AQP3: variants seen among roughly 807,000 people sequenced by gnomAD.
The protein encoded by AQP3 is aquaporin-3.
In AQP3, 15 loss-of-function variants were observed where a neutral mutation model predicts 30.3. The observed-to-expected ratio is 0.49, with a 90% CI of 0.33 to 0.76. The LOEUF is 0.76. Among genes scored for constraint, AQP3 ranks in the 30% least tolerant of loss-of-function variants. The pLI, the probability that AQP3 is intolerant of heterozygous loss-of-function variation, is 0.02. For missense variants in AQP3, 272 were observed against 384.8 expected, an observed-to-expected ratio of 0.71 and a Z score of 2.45; for synonymous variants, 153 against 163.2, an observed-to-expected ratio of 0.94 and a Z score of 0.47.
At position 33,443,271 on chromosome 9, in the gene AQP3, T is replaced by C. The variant is rs747226845; in HGVS notation, c.373+50A>G. On this transcript the variant is annotated intron_variant, in intron 3 of 5. Transcript: ENST00000297991. The surrounding 1 kb of genome is among the most constrained non-coding windows in gnomAD (Gnocchi z 5.0). ...CAAAAGGCCTGGTGCCAGCAGGTCC[T>C]GAACAGAGGGACGGGGGTAGTGGAG... 1.9e-6 allele frequency: 3 copies of C among 1,558,174 alleles called. No homozygotes were observed. The South Asian group carries it at 3.6e-5, about 18-fold the overall frequency.
chr9:33,444,747 C>T (rs1469591885), intron 1 of AQP3, among the ~76,000 whole-genome samples: 5 of 152,078 alleles, frequency 3.3e-5, no homozygotes, highest in Non-Finnish European at 7.4e-5. Flanking sequence ...CAGCCTTCAC[C>T]ATGTCCCCCT....
In AQP3 at chr9:33,443,214, C is replaced by T. The variant is rs540767514; in HGVS notation, c.373+107G>A. The T allele has an allele frequency of 1.3e-5, 19 of 1,474,486 alleles. No homozygotes were observed. The highest frequency in any genetic ancestry group is 1.7e-4 in the Middle Eastern group (1 of 5,832). The allele number at this position is 1,474,486 out of a possible 1,614,324, so 91.3% of individuals were successfully genotyped here. A position where few individuals can be genotyped will look rare whatever the true frequency, so the allele number is the denominator to read the frequency against. ...TGCGTGAATGAGTGAGTCATGAGCCCGGGGCCTGGGCAGGTCCTAGCCGTC... is the reference window on the plus strand; with the variant it reads ...TGCGTGAATGAGTGAGTCATGAGCCTGGGGCCTGGGCAGGTCCTAGCCGTC... On this transcript the variant is annotated intron_variant, in intron 3 of 5. Coordinates refer to ENST00000297991, the MANE Select transcript of AQP3 (RefSeq NM_004925.5). The surrounding 1 kb of genome is among the most constrained non-coding windows in gnomAD (Gnocchi z 5.0).
intron 1 of AQP3, among the ~76,000 whole-genome samples, chr9:33,446,036 G>C (rs951872716): frequency 6.6e-6 from 1 of 152,244 alleles, no homozygotes; most frequent in South Asian, 2.1e-4. Flanking sequence ...CTTTGTGAGA[G>C]AGTGAACTGA....
Position 33,443,280 on chromosome 9 carries a change from G to C in AQP3, c.373+41C>G, listed in dbSNP as rs1826867131. The stretch of plus-strand genomic sequence containing the variant: ...TGGTGCCAGCAGGTCCTGAACAGAG[G>C]GACGGGGGTAGTGGAGGAGGACAGG... On this transcript the variant is annotated intron_variant, in intron 3 of 5. Coordinates refer to ENST00000297991, the MANE Select transcript of AQP3 (RefSeq NM_004925.5). The surrounding 1 kb of genome is among the most constrained non-coding windows in gnomAD (Gnocchi z 5.0). 6 of 1,562,092 alleles carry C rather than the reference G, an allele frequency of 3.8e-6. No individual in the cohort carries two copies. Among genetic ancestry groups the C allele is most frequent in the Non-Finnish European group, 5.2e-6 (6 of 1,152,754 alleles).
At position 33,443,511 on chromosome 9, in the gene AQP3, G is replaced by C; in HGVS notation, c.236-53C>G. On this transcript the variant is annotated intron_variant, in intron 2 of 5. Transcript: ENST00000297991. This position sits in a 1 kb window ranked among gnomAD's most constrained non-coding sequence, Gnocchi z 5.0. ...AGCTGCAGCCTGCCACAGTCGGCAG[G>C]CTAGGGTCCCCTGAGAAGGGGTGCA... 1 of 1,592,246 alleles carries C rather than the reference G, an allele frequency of 6.3e-7. No homozygotes were observed. The highest frequency in any genetic ancestry group is 8.6e-7 in the Non-Finnish European group (1 of 1,169,368).
chr9:33,441,708 C>CG lies in AQP3; in HGVS notation c.*334_*335insC. 1 of 417,910 alleles carries CG rather than the reference C, an allele frequency of 2.4e-6. No individual in the cohort carries two copies. The highest frequency in any genetic ancestry group is 3.5e-5 in the East Asian group (1 of 28,852). 25.9% of individuals were successfully genotyped at this position (417,910 alleles called of 1,614,324 possible). On this transcript the variant is annotated 3_prime_UTR_variant, in exon 6 of 6. Transcript: ENST00000297991. Reference sequence around the variant, plus strand: ...CCTTGCCCTGAATATCTGGGAACCCCCCCCACACACACACACCCCTGCACA... The same window carrying CG: ...CCTTGCCCTGAATATCTGGGAACCCCGCCCCACACACACACACCCCTGCACA...
chr9:33,443,748 G>A lies in AQP3; in HGVS notation c.235+18C>T, dbSNP rs1171635005. The A allele has an allele frequency of 6.2e-7, 1 of 1,613,848 alleles. No homozygotes were observed. Among genetic ancestry groups the A allele is most frequent in the Admixed American group, 1.7e-5 (1 of 60,028 alleles). On this transcript the variant is annotated intron_variant, in intron 2 of 5. Transcript: ENST00000297991. The surrounding 1 kb of genome is among the most constrained non-coding windows in gnomAD (Gnocchi z 5.0). Reference sequence around the variant, plus strand: ...TGCTATTGAGGGCCAAGGGCTGGGGGCAGGGTTAAGGCCTTACCAGAGACC... The same window carrying A: ...TGCTATTGAGGGCCAAGGGCTGGGGACAGGGTTAAGGCCTTACCAGAGACC...
chr9:33,447,496 C>G lies in AQP3; in HGVS notation c.35G>C (p.Gly12Ala). 1 of 1,609,824 alleles carries G rather than the reference C, an allele frequency of 6.2e-7. No individual in the cohort carries two copies. The highest frequency in any genetic ancestry group is 8.5e-7 in the Non-Finnish European group (1 of 1,178,518). ...GRQKELVSRCGEMLHIRYRLL... is the reference protein window; with the variant it reads ...GRQKELVSRCAEMLHIRYRLL... ...CCGGTAGCGGATGTGGAGCATCTCC[C>G]CGCAGCGGGACACCAGCTCCTTCTG... Residue 12 changes from glycine to alanine, a missense_variant, in exon 1 of 6, where the codon GGG (glycine) becomes GCG (alanine). Physicochemically the swap from Gly to Ala is moderately conservative, Grantham distance 60. Transcript: ENST00000297991.
intron 1 of AQP3, among the ~76,000 whole-genome samples, chr9:33,445,780 C>G (rs1479664385): frequency 1.3e-5 from 2 of 152,188 alleles, no homozygotes; most frequent in Admixed American, 1.3e-4. Context: ...AAAGCCAACC[C>G]TGATTCTGCC....
chr9:33,443,466 G>A lies in AQP3; in HGVS notation c.236-8C>T. 2 of 1,611,424 alleles carry A rather than the reference G, an allele frequency of 1.2e-6. No homozygotes were observed. Among genetic ancestry groups the A allele is most frequent in the Non-Finnish European group, 1.7e-6 (2 of 1,179,010 alleles). On this transcript the variant is annotated splice_region_variant and splice_polypyrimidine_tract_variant and intron_variant, in intron 2 of 5. Transcript: ENST00000297991. This position sits in a 1 kb window ranked among gnomAD's most constrained non-coding sequence, Gnocchi z 5.0. ...CAGGGTTCAGGTGGGCCCCTGGGCA[G>A]AGGGGACAAGGGACCTATTAGCTGC...
intron 1 of AQP3, among the ~76,000 whole-genome samples, chr9:33,446,002 G>T (rs1480441064): frequency 1.3e-5 from 2 of 152,210 alleles, no homozygotes; most frequent in Admixed American, 1.3e-4. Flanking sequence ...TGATCCTGGG[G>T]CTCAGTGGGA....
At position 33,442,087 on chromosome 9, in the gene AQP3, C is replaced by T; in HGVS notation, c.835G>A (p.Glu279Lys). 9 of 1,613,986 alleles carry T rather than the reference C, an allele frequency of 5.6e-6. No homozygotes were observed. Among genetic ancestry groups the T allele is most frequent in the Non-Finnish European group, 7.6e-6 (9 of 1,180,036 alleles). Reference sequence around the variant, plus strand: ...TTCACATGGGCCAGCTTCACATTCTCTTCCTCGTTGGAGGGTGGGGGCTGC... The same window carrying T: ...TTCACATGGGCCAGCTTCACATTCTTTTCCTCGTTGGAGGGTGGGGGCTGC... Reference protein sequence around the residue: ...LEQPPPSNEEENVKLAHVKHK... With the variant: ...LEQPPPSNEEKNVKLAHVKHK... Residue 279 changes from glutamate to lysine, a missense_variant, in exon 6 of 6, where the codon GAG becomes AAG. Transcript: ENST00000297991.
rs1273123007 is a variant in AQP3, at chr9:33,447,556, G to C, written c.-26C>G. ...GGCGGGGCAGGCGGCGGCGCTGTCGGGCGGGCAGGGGTGGCGGGAGGCGGT... is the reference window on the plus strand; with the variant it reads ...GGCGGGGCAGGCGGCGGCGCTGTCGCGCGGGCAGGGGTGGCGGGAGGCGGT... On this transcript the variant is annotated 5_prime_UTR_variant, in exon 1 of 6. Transcript: ENST00000297991. The C allele has an allele frequency of 6.4e-7, 1 of 1,555,448 alleles. No individual in the cohort carries two copies. The highest frequency in any genetic ancestry group is 1.4e-5 in the African/African-American group (1 of 73,632).
Position 33,447,574 on chromosome 9 carries a change from G to T in AQP3, c.-44C>A. 6.8e-7 allele frequency: 1 copy of T among 1,480,842 alleles called. No individual in the cohort carries two copies. The allele number at this position is 1,480,842 out of a possible 1,614,324, so 91.7% of individuals were successfully genotyped here. A position where few individuals can be genotyped will look rare whatever the true frequency, so the allele number is the denominator to read the frequency against. The stretch of plus-strand genomic sequence containing the variant: ...GCTGTCGGGCGGGCAGGGGTGGCGG[G>T]AGGCGGTGGCGCAGCGAGCAGCGGC... On this transcript the variant is annotated 5_prime_UTR_variant, in exon 1 of 6. Coordinates refer to ENST00000297991, the MANE Select transcript of AQP3 (RefSeq NM_004925.5).
chr9:33,443,753 G>A lies in AQP3; in HGVS notation c.235+13C>T, dbSNP rs748017537. 1.2e-6 allele frequency: 2 copies of A among 1,613,930 alleles called. No homozygotes were observed. Among genetic ancestry groups the A allele is most frequent in the Non-Finnish European group, 1.7e-6 (2 of 1,179,954 alleles). ...TTGAGGGCCAAGGGCTGGGGGCAGG[G>A]TTAAGGCCTTACCAGAGACCTGGCC... is the stretch of plus-strand genomic sequence containing the variant. On this transcript the variant is annotated intron_variant, in intron 2 of 5. Coordinates refer to ENST00000297991, the MANE Select transcript of AQP3 (RefSeq NM_004925.5). The surrounding 1 kb of genome is among the most constrained non-coding windows in gnomAD (Gnocchi z 5.0).
chr9:33,445,659 C>T (rs990405559), intron 1 of AQP3, among the ~76,000 whole-genome samples: 1 of 152,170 alleles, frequency 6.6e-6, no homozygotes, highest in Non-Finnish European at 1.5e-5. Context: ...AGTTCCACCA[C>T]CTTGGGGCTA....
rs1826840967 is a variant in AQP3, at chr9:33,441,987, C to T, written c.*56G>A. 31 of 1,596,046 alleles carry T rather than the reference C, an allele frequency of 1.9e-5. No individual in the cohort carries two copies. The highest frequency in any genetic ancestry group is 2.6e-5 in the Non-Finnish European group (30 of 1,169,322). On this transcript the variant is annotated 3_prime_UTR_variant, in exon 6 of 6. Transcript: ENST00000297991. ...GGGCTTCTTGGGAGTGGCCCTTGGA[C>T]AGTCAGTGGATGCTCAAGGCCAGGG... is the stretch of plus-strand genomic sequence containing the variant.
Position 33,441,469 on chromosome 9 carries a change from T to G in AQP3, c.*574A>C, listed in dbSNP as rs1826829975. On this transcript the variant is annotated 3_prime_UTR_variant, in exon 6 of 6. Coordinates refer to ENST00000297991, the MANE Select transcript of AQP3 (RefSeq NM_004925.5). The stretch of plus-strand genomic sequence containing the variant: ...CCCCCTCCTCCCAGCCCTACCCACA[T>G]CCACCCTACTTCCCAAAAGCCTGTA... The G allele has an allele frequency of 6.4e-6, 1 of 155,190 alleles. No homozygotes were observed. The highest frequency in any genetic ancestry group is 2.4e-5 in the African/African-American group (1 of 41,396). 9.6% of individuals were successfully genotyped at this position (155,190 alleles called of 1,614,324 possible).
At chr9:33,444,508 G>A (rs1385246852) in intron 1 of AQP3, among the ~76,000 whole-genome samples, 4 of 151,746 alleles carry the variant, frequency 2.6e-5, no homozygotes, top group Non-Finnish European at 4.4e-5. Flanking sequence ...GCTGAGGCAG[G>A]AGAATCACTT....
Sources: gnomAD v4.1 joint callset for allele counts (sites outside exome capture counted in the v4.1 genomes callset) on GRCh38, gnomAD v4.1.1 for gene constraint, Gnocchi (gnomAD v3.1) non-coding constraint, MANE v1.5 for transcripts, NCBI Gene and HGNC (gene_info 2026-07-23, HGNC 2026-07-21) for gene names.